Variants in PLA2G15 observed in about 807,000 individuals in gnomAD.
PLA2G15 encodes lysosomal phospholipase A and acyltransferase.
PLA2G15 carries 20 observed loss-of-function variants against 40.9 expected under a neutral mutation model. The observed-to-expected ratio is 0.49, with a 90% CI of 0.34 to 0.71. The LOEUF is 0.71. Among genes scored for constraint, PLA2G15 ranks in the 30% least tolerant of loss-of-function variants. The probability of loss-of-function intolerance (pLI) is 0.01; values close to 1 mark genes in which losing one functional copy is unlikely to be tolerated. For missense variants in PLA2G15, 471 were observed against 541.9 expected (o/e 0.87, Z 1.30); for synonymous variants, 223 against 228.2 (o/e 0.98, Z 0.21).
chr16:68,258,913 T>G (rs1243452133), intron 5 of PLA2G15: 2 of 529,926 alleles, frequency 3.8e-6, no homozygotes, highest in African/African-American at 3.8e-5. Context: ...TGAGCCGTGA[T>G]CATGCCATTA....
chr16:68,251,322 G>C (rs1275450198), intron 2 of PLA2G15, among the ~76,000 whole-genome samples: 1 of 152,174 alleles, frequency 6.6e-6, no homozygotes, highest in Non-Finnish European at 1.5e-5. Context: ...TATCCTTATA[G>C]CAGTAGAACC....
intron 2 of PLA2G15, among the ~76,000 whole-genome samples, chr16:68,253,058 T>A (rs2042368159): frequency 6.6e-6 from 1 of 152,182 alleles, no homozygotes. Context: ...GTCATGGCGC[T>A]TAGGAATTTG....
Position 68,259,089 on chromosome 16 carries a change from G to A in PLA2G15, c.728-57G>A. Reference sequence around the variant, plus strand: ...CTGGCAGGGGCCTGGTGGTGAACATGCTGCCCAACCAGCTGGCATTCCTAA... The same window carrying A: ...CTGGCAGGGGCCTGGTGGTGAACATACTGCCCAACCAGCTGGCATTCCTAA... On this transcript the variant is annotated intron_variant, in intron 5 of 5. Coordinates refer to ENST00000219345, the MANE Select transcript of PLA2G15 (RefSeq NM_012320.4). This position sits in a 1 kb window ranked among gnomAD's most constrained non-coding sequence, Gnocchi z 6.5. 1 of 1,511,450 alleles carries A rather than the reference G, an allele frequency of 6.6e-7. No homozygotes were observed. The highest frequency in any genetic ancestry group is 2.3e-5 in the East Asian group (1 of 44,272). The allele number at this position is 1,511,450 out of a possible 1,614,324, so 93.6% of individuals were successfully genotyped here.
intron 2 of PLA2G15, chr16:68,253,373 T>A (rs930006529): frequency 1.7e-5 from 7 of 420,460 alleles, no homozygotes; most frequent in Non-Finnish European, 3.3e-5. Context: ...GGTTTGTTTT[T>A]GTTTGTTTGT....
At position 68,259,863 on chromosome 16, in the gene PLA2G15, G is replaced by A. The variant is rs927664112; in HGVS notation, c.*206G>A. The A allele has an allele frequency of 6.7e-6, 4 of 601,206 alleles. No individual in the cohort carries two copies. Among genetic ancestry groups the A allele is most frequent in the African/African-American group, 1.9e-5 (1 of 53,838 alleles). 37.2% of individuals were successfully genotyped at this position (601,206 alleles called of 1,614,324 possible). ...GGAAGAAATGAGAGTCTAGACTCAA[G>A]GGACACTGGATGGCAAGAATGCTGC... On this transcript the variant is annotated 3_prime_UTR_variant, in exon 6 of 6. Transcript: ENST00000219345. This position sits in a 1 kb window ranked among gnomAD's most constrained non-coding sequence, Gnocchi z 6.5.
intron 5 of PLA2G15, among the ~76,000 whole-genome samples, chr16:68,256,702 G>C (rs1385396192): frequency 6.6e-6 from 1 of 151,854 alleles, no homozygotes; most frequent in Non-Finnish European, 1.5e-5. Flanking sequence ...TAGAGATGAG[G>C]TTTCATCATG....
At chr16:68,249,051 T>C (rs925849586) in intron 1 of PLA2G15, among the ~76,000 whole-genome samples, 1 of 152,216 alleles carries the variant, frequency 6.6e-6, no homozygotes, top group Non-Finnish European at 1.5e-5. Flanking sequence ...CACAGGCATC[T>C]CTGCACCACA....
At chr16:68,246,446 G>T (rs2042309711) in intron 1 of PLA2G15, among the ~76,000 whole-genome samples, 1 of 152,204 alleles carries the variant, frequency 6.6e-6, no homozygotes, top group Non-Finnish European at 1.5e-5. Context: ...GTGGAGTCTA[G>T]TGCAGCATGA....
intron 1 of PLA2G15, chr16:68,248,540 C>A: frequency 5.2e-6 from 1 of 191,734 alleles, no homozygotes; most frequent in South Asian, 6.0e-5. Context: ...TGTGTGCCAC[C>A]ACACCAAGGT....
rs1172960697 is a variant in PLA2G15 at position 68,255,548 on chromosome 16, T to C, written c.502+168T>C. On this transcript the variant is annotated intron_variant, in intron 4 of 5. Coordinates refer to ENST00000219345, the MANE Select transcript of PLA2G15 (RefSeq NM_012320.4). The surrounding 1 kb of genome is among the most constrained non-coding windows in gnomAD (Gnocchi z 5.9). ...CCACCACCTTTGGTCAGTCTTATCC[T>C]GTCCTCCATTTCCCACCCTGGGACC... 3.1e-6 allele frequency: 2 copies of C among 640,796 alleles called. No individual in the cohort carries two copies. The highest frequency in any genetic ancestry group is 1.9e-5 in the South Asian group (1 of 51,288). The allele number at this position is 640,796 out of a possible 1,614,324, so 39.7% of individuals were successfully genotyped here. A position where few individuals can be genotyped will look rare whatever the true frequency, so the allele number is the denominator to read the frequency against.
chr16:68,245,941 T>C (rs934192032), intron 1 of PLA2G15, among the ~76,000 whole-genome samples: 1 of 152,160 alleles, frequency 6.6e-6, no homozygotes, highest in African/African-American at 2.4e-5. Flanking sequence ...TGCATCGACC[T>C]GGGCCTGGTT....
intron 5 of PLA2G15, among the ~76,000 whole-genome samples, chr16:68,257,176 C>T (rs546664776): frequency 1.3e-5 from 2 of 152,118 alleles, no homozygotes; most frequent in South Asian, 2.1e-4. Flanking sequence ...CATGAACCAC[C>T]GCACCCGGCC....
At chr16:68,254,834 T>C (rs2042387222) in intron 2 of PLA2G15, 85 bp from the exon 3 acceptor site, 5 of 821,558 alleles carry the variant, frequency 6.1e-6, no homozygotes, top group Admixed American at 3.9e-5. Flanking sequence ...GAGAAGGGAG[T>C]ATGACTCAGG....
At chr16:68,252,680 C>A in intron 2 of PLA2G15, 3 of 448,026 alleles carry the variant, frequency 6.7e-6, no homozygotes, top group South Asian at 3.2e-5. Flanking sequence ...TTCTAGAAAA[C>A]TAATAGGCTG....
chr16:68,259,287 A>G lies in PLA2G15; in HGVS notation c.869A>G (p.Tyr290Cys), dbSNP rs2042424840. The G allele has an allele frequency of 6.2e-7, 1 of 1,613,916 alleles. No homozygotes were observed. The highest frequency in any genetic ancestry group is 1.7e-5 in the Admixed American group (1 of 60,012). ...TTCGTGCAGACACCCACAATCAACT[A>G]CACACTGCGGGACTACCGCAAGTTC... ...KVFVQTPTIN[Y>C]TLRDYRKFFQ... Residue 290 changes from tyrosine (Y) to cysteine (C), a missense_variant, in exon 6 of 6, where the codon TAC becomes TGC. By Grantham distance (194) the Tyr-to-Cys change is radical. Transcript: ENST00000219345. The surrounding 1 kb of genome is among the most constrained non-coding windows in gnomAD (Gnocchi z 6.5).
In PLA2G15 at chr16:68,259,188, G is replaced by A. The variant is rs2042423682; in HGVS notation, c.770G>A (p.Arg257Gln). ...CCAGTCATCGGGCCCCTGAAGATCC[G>A]GGAGCAGCAGCGGTCAGCTGTCTCC... is the stretch of plus-strand genomic sequence containing the variant. Reference protein sequence around the residue: ...RIPVIGPLKIREQQRSAVSTS... With the variant: ...RIPVIGPLKIQEQQRSAVSTS... Residue 257 changes from arginine to glutamine, a missense_variant, in exon 6 of 6, where the codon CGG (arginine) becomes CAG (glutamine). Transcript: ENST00000219345. This position sits in a 1 kb window ranked among gnomAD's most constrained non-coding sequence, Gnocchi z 6.5. The A allele has an allele frequency of 3.7e-6, 6 of 1,613,726 alleles. No homozygotes were observed. The highest frequency in any genetic ancestry group is 3.4e-6 in the Non-Finnish European group (4 of 1,179,910).
intron 2 of PLA2G15, chr16:68,254,347 A>ATTTT (rs1555528330): frequency 8.9e-5 from 13 of 146,078 alleles, no homozygotes; most frequent in African/African-American, 3.2e-4. Flanking sequence ...TTATTTATTT[A>ATTTT]TTTATTTTTT....
intron 1 of PLA2G15, among the ~76,000 whole-genome samples, chr16:68,246,989 A>G (rs761659691): frequency 6.6e-6 from 1 of 152,186 alleles, no homozygotes. Context: ...AAAATGGCAC[A>G]TAGCCATTTT....
At chr16:68,257,106 C>G (rs1373265193) in intron 5 of PLA2G15, among the ~76,000 whole-genome samples, 1 of 151,764 alleles carries the variant, frequency 6.6e-6, no homozygotes, top group Admixed American at 6.6e-5. Flanking sequence ...GTCTCTAACT[C>G]CTGACCTCAA....
Sources: gnomAD v4.1 joint callset for allele counts (sites outside exome capture counted in the v4.1 genomes callset) on GRCh38, gnomAD v4.1.1 for gene constraint, Gnocchi (gnomAD v3.1) non-coding constraint, MANE v1.5 for transcripts, NCBI Gene and HGNC (gene_info 2026-07-23, HGNC 2026-07-21) for gene names.